CALM2: variants seen among roughly 807,000 people sequenced by gnomAD.
The protein encoded by CALM2 is calmodulin-2.
A neutral mutation model predicts 19.8 loss-of-function variants in CALM2; 2 were observed. The ratio of observed to expected loss-of-function variants is 0.10; its 90% CI spans 0.04 to 0.32. The LOEUF is 0.32. Ranked by LOEUF, CALM2 falls within the 10% of genes least tolerant of loss-of-function variation. The pLI is 1.00. For missense variants in CALM2, 38 were observed against 178.7 expected (o/e 0.21, Z 4.49); for synonymous variants, 51 against 52.1 (o/e 0.98, Z 0.09).
intron 2 of CALM2, among the ~76,000 whole-genome samples, chr2:47,168,785 T>G (rs1399134806): frequency 3.5e-4 from 1 of 2,830 alleles, no homozygotes; most frequent in Non-Finnish European, 6.6e-4. Flanking sequence ...GACACAAACT[T>G]TTTTTTTTTT....
intron 2 of CALM2, among the ~76,000 whole-genome samples, chr2:47,168,700 G>A (rs1666568514): frequency 6.6e-6 from 1 of 151,928 alleles, no homozygotes; most frequent in African/African-American, 2.4e-5. Context: ...GGCAACAAGA[G>A]TGAAACTGTC....
intron 1 of CALM2, among the ~76,000 whole-genome samples, chr2:47,175,482 C>T (rs1666824007): frequency 6.6e-6 from 1 of 152,156 alleles, no homozygotes; most frequent in Non-Finnish European, 1.5e-5. Flanking sequence ...TAGCTGGAGC[C>T]GAACACTTTC....
chr2:47,162,494 C>T, intron 3 of CALM2, 25 bp downstream of exon 3: 1 of 1,613,854 alleles, frequency 6.2e-7, no homozygotes, highest in Non-Finnish European at 8.5e-7. Context: ...CAACCCCTCC[C>T]AGCCCCACAA....
chr2:47,161,221 C>CAG (rs1687143447), intron 5 of CALM2, among the ~76,000 whole-genome samples: 1 of 152,160 alleles, frequency 6.6e-6, no homozygotes, highest in African/African-American at 2.4e-5. Context: ...CAAAATCCTT[C>CAG]AGTTTCATAT....
At position 47,162,699 on chromosome 2, in the gene CALM2, T is replaced by A. The variant is rs759544419; in HGVS notation, c.35-37A>T. On this transcript the variant is annotated intron_variant, in intron 2 of 5. Coordinates refer to ENST00000272298, the MANE Select transcript of CALM2 (RefSeq NM_001743.6). ...AAAGACCACAATCCAAATACACAGA[T>A]TAATAATAAAATGTAACCTAAATGA... 4.6e-6 allele frequency: 7 copies of A among 1,512,206 alleles called. 1 individual carries two copies. In the South Asian group the frequency reaches 8.8e-5, roughly 19 times the overall value. 93.7% of individuals were successfully genotyped at this position (1,512,206 alleles called of 1,614,324 possible).
rs542960774 is a variant in CALM2, at chr2:47,165,957, C to T, written c.35-3295G>A. 7.2e-5 allele frequency among the ~76,000 whole-genome samples: 11 copies of T among 152,316 alleles called. 1 individual carries two copies. Among genetic ancestry groups the T allele is most frequent in the African/African-American group, 2.4e-4 (10 of 41,580 alleles). On this transcript the variant is annotated intron_variant, in intron 2 of 5. Coordinates refer to ENST00000272298, the MANE Select transcript of CALM2 (RefSeq NM_001743.6). ...CCAGTATTTTGGTTCAAGGCTCCAT[C>T]GTCCTTTGCCAGGGCTATTACAATT...
intron 2 of CALM2, among the ~76,000 whole-genome samples, chr2:47,166,153 T>C (rs112235285): frequency 2.0e-5 from 3 of 152,288 alleles, no homozygotes; most frequent in Middle Eastern, 6.8e-3. Flanking sequence ...CACCTACAAA[T>C]AGCACAATTG....
intron 2 of CALM2, among the ~76,000 whole-genome samples, chr2:47,164,583 T>A: frequency 6.8e-6 from 1 of 146,774 alleles, no homozygotes. Flanking sequence ...GGCAACAGAG[T>A]GAGACTTGTC....
At chr2:47,176,383 T>A (rs1018801320) in intron 1 of CALM2, 58 bp downstream of exon 1, 6 of 1,603,030 alleles carry the variant, frequency 3.7e-6, no homozygotes, top group Non-Finnish European at 5.1e-6. Flanking sequence ...GTTTAGTCAG[T>A]TCGCTCCAGT....
Position 47,161,047 on chromosome 2 carries a change from A to T in CALM2, c.422-243T>A, listed in dbSNP as rs1461329777. On this transcript the variant is annotated intron_variant, in intron 5 of 5. Coordinates refer to ENST00000272298, the MANE Select transcript of CALM2 (RefSeq NM_001743.6). ...CTTTAGATAGGCCAATATAAAAAAG[A>T]GCATTCTTGGCTCTTAGTTTAGACT... Among the ~76,000 whole-genome samples, 7 of 152,174 alleles carry T rather than the reference A, an allele frequency of 4.6e-5. No homozygotes were observed. In the South Asian group the frequency reaches 1.4e-3, roughly 31 times the overall value.
At position 47,170,719 on chromosome 2, in the gene CALM2, C is replaced by T. The variant is rs775251432; in HGVS notation, c.34+15G>A. The T allele has an allele frequency of 1.9e-6, 3 of 1,600,590 alleles. No homozygotes were observed. The highest frequency in any genetic ancestry group is 2.6e-6 in the Non-Finnish European group (3 of 1,167,654). ...TAAGAATCTAATGGGTACAATCTAGCTGAGTATTTCTCACCTGCAATCTGC... is the reference window on the plus strand; with the variant it reads ...TAAGAATCTAATGGGTACAATCTAGTTGAGTATTTCTCACCTGCAATCTGC... On this transcript the variant is annotated intron_variant, in intron 2 of 5. Coordinates refer to ENST00000272298, the MANE Select transcript of CALM2 (RefSeq NM_001743.6).
chr2:47,165,109 G>A (rs1027196486), intron 2 of CALM2, among the ~76,000 whole-genome samples: 2 of 152,138 alleles, frequency 1.3e-5, no homozygotes, highest in Non-Finnish European at 2.9e-5. Flanking sequence ...ATTTTAAAAT[G>A]ACATCCAGCT....
intron 1 of CALM2, chr2:47,172,004 A>G (rs1008664089): frequency 1.1e-4 from 12 of 109,320 alleles, no homozygotes; most frequent in Admixed American, 9.5e-5. Context: ...AAAAAAAAAA[A>G]GCTGGTAACG....
At position 47,162,703 on chromosome 2, in the gene CALM2, T is replaced by C. The variant is rs114530537; in HGVS notation, c.35-41A>G. 2,249 of 1,483,230 alleles carry C rather than the reference T, an allele frequency of 1.5e-3. 20 individuals carry two copies. The African/African-American group carries it at 0.026, about 17-fold the overall frequency. The allele number at this position is 1,483,230 out of a possible 1,614,324, so 91.9% of individuals were successfully genotyped here. ...ACCACAATCCAAATACACAGATTAA[T>C]AATAAAATGTAACCTAAATGAAACG... On this transcript the variant is annotated intron_variant, in intron 2 of 5. Transcript: ENST00000272298.
chr2:47,175,917 G>C (rs1227497360), intron 1 of CALM2, among the ~76,000 whole-genome samples: 1 of 150,542 alleles, frequency 6.6e-6, no homozygotes, highest in African/African-American at 2.4e-5. Flanking sequence ...GCACGCGGAG[G>C]ACGCGGGCTA....
rs373220148 is a variant in CALM2 at position 47,170,694 on chromosome 2, T to A, written c.34+40A>T. 3.3e-6 allele frequency: 5 copies of A among 1,531,180 alleles called. No individual in the cohort carries two copies. In the South Asian group the frequency reaches 3.4e-5, roughly 10 times the overall value. 94.8% of individuals were successfully genotyped at this position (1,531,180 alleles called of 1,614,324 possible). A position where few individuals can be genotyped will look rare whatever the true frequency, so the allele number is the denominator to read the frequency against. On this transcript the variant is annotated intron_variant, in intron 2 of 5. Coordinates refer to ENST00000272298, the MANE Select transcript of CALM2 (RefSeq NM_001743.6). ...CTGACGTTGGCTATTCAATTTATAA[T>A]AAGAATCTAATGGGTACAATCTAGC... is the stretch of plus-strand genomic sequence containing the variant.
At chr2:47,169,353 T>A (rs1666595487) in intron 2 of CALM2, among the ~76,000 whole-genome samples, 1 of 152,100 alleles carries the variant, frequency 6.6e-6, no homozygotes, top group African/African-American at 2.4e-5. Flanking sequence ...AGAGATGGGG[T>A]CTCACTATGT....
chr2:47,174,174 T>G (rs1191585449), intron 1 of CALM2: 1 of 152,236 alleles, frequency 6.6e-6, no homozygotes, highest in Non-Finnish European at 1.5e-5. Context: ...CATATGTTGA[T>G]TACATGTAAA....
At chr2:47,174,460 T>G (rs956593504) in intron 1 of CALM2, among the ~76,000 whole-genome samples, 3 of 152,174 alleles carry the variant, frequency 2.0e-5, no homozygotes, top group Non-Finnish European at 4.4e-5. Flanking sequence ...CTCAGTCCTC[T>G]AATTATAAAG....
Sources: gnomAD v4.1 joint callset for allele counts (sites outside exome capture counted in the v4.1 genomes callset) on GRCh38, gnomAD v4.1.1 for gene constraint, MANE v1.5 for transcripts, NCBI Gene and HGNC (gene_info 2026-07-23, HGNC 2026-07-21) for gene names.